The following PPP2R2C variants were observed in gnomAD, a reference collection of about 807,000 sequenced individuals.
PPP2R2C encodes the protein protein phosphatase 2, regulatory subunit B, gamma.
Under a neutral mutation model 45.3 loss-of-function variants are expected in PPP2R2C, and 10 were observed. The observed-to-expected ratio is 0.22, with a 90% CI of 0.14 to 0.37. PPP2R2C has a LOEUF of 0.37. Among genes scored for constraint, PPP2R2C ranks in the 10% least tolerant of loss-of-function variants. PPP2R2C has a pLI of 1.00. For missense variants in PPP2R2C, 308 were observed against 619.7 expected (o/e 0.50, Z 5.34); for synonymous variants, 257 against 245.4 (o/e 1.05, Z -0.44).
In PPP2R2C at chr4:6,543,712, G is replaced by A. The variant is rs527729621; in HGVS notation, c.-58-8335C>T. Among the ~76,000 whole-genome samples, 7 of 152,288 alleles carry A rather than the reference G, an allele frequency of 4.6e-5. No homozygotes were observed. In the South Asian group the frequency reaches 6.2e-4, roughly 14 times the overall value. On this transcript the variant is annotated intron_variant, in intron 1 of 9. Coordinates refer to the PPP2R2C transcript ENST00000506140. ...CCAGCTTGTCACATAAAGCGTGAGCGCGGAGTGCCAGGAAACAGGCTCCCT... is the reference window on the plus strand; with the variant it reads ...CCAGCTTGTCACATAAAGCGTGAGCACGGAGTGCCAGGAAACAGGCTCCCT...
rs116721714 is a variant in PPP2R2C at position 6,541,546 on chromosome 4, G to A, written c.-58-6169C>T. Among the ~76,000 whole-genome samples, 832 of 151,974 alleles carry A rather than the reference G, an allele frequency of 5.5e-3. 6 individuals carry two copies. Among genetic ancestry groups the A allele is most frequent in the African/African-American group, 0.018 (763 of 41,436 alleles). On this transcript the variant is annotated intron_variant, in intron 1 of 9. Transcript: ENST00000506140. ...CTCGCAGGGGATCATGAGTTGTTTC[G>A]TTTGTTTGTTTGTTTGGTGAGACAG...
intron 2 of PPP2R2C, among the ~76,000 whole-genome samples, chr4:6,505,029 G>T (rs1182865560): frequency 6.6e-6 from 1 of 151,954 alleles, no homozygotes; most frequent in African/African-American, 2.4e-5. Flanking sequence ...CAAGTATAAA[G>T]AAAAACTCTG....
At chr4:6,448,983 G>A (rs187863686) in intron 1 of PPP2R2C, among the ~76,000 whole-genome samples, 1 of 152,196 alleles carries the variant, frequency 6.6e-6, no homozygotes, top group Admixed American at 6.5e-5. Context: ...TTGGGACCCA[G>A]GCCAGGTTCA....
intron 1 of PPP2R2C, among the ~76,000 whole-genome samples, chr4:6,424,106 G>A (rs1719140754): frequency 6.6e-6 from 1 of 152,230 alleles, no homozygotes; most frequent in Non-Finnish European, 1.5e-5. Flanking sequence ...TTCCTCACAG[G>A]GAAAGCCGGA....
rs375836977 is a variant in PPP2R2C at position 6,529,376 on chromosome 4, C to T, written c.49+5895G>A. Among the ~76,000 whole-genome samples, 52 of 152,376 alleles carry T rather than the reference C, an allele frequency of 3.4e-4. No individual in the cohort carries two copies. In the East Asian group the frequency reaches 6.0e-3, roughly 17 times the overall value. ...GCACCACCTGAGCCGCCCACCTAAG[C>T]GGCCAGGCTGGGAGCCAGCAGGGGG... On this transcript the variant is annotated intron_variant, in intron 2 of 9. Transcript: ENST00000506140.
chr4:6,471,996 A>AGGGTG lies in PPP2R2C; in HGVS notation c.70+159_70+163dup, dbSNP rs1429683135. ...GCTCCCTCCCTCCTGGGCCCCGGGC[A>AGGGTG]GGGTGGGATGGGATGGGGTGGGGTG... On this transcript the variant is annotated intron_variant, in intron 1 of 8. Transcript: ENST00000382599. This position sits in a 1 kb window ranked among gnomAD's most constrained non-coding sequence, Gnocchi z 5.6. 8.4e-5 allele frequency among the ~76,000 whole-genome samples: 3 copies of AGGGTG among 35,886 alleles called. No individual in the cohort carries two copies. The highest frequency in any genetic ancestry group is 2.1e-3 in the East Asian group (2 of 932). The allele number at this position is 35,886 out of a possible 152,430, so 23.5% of individuals were successfully genotyped here.
In PPP2R2C at chr4:6,326,114, A is replaced by C. The variant is rs76290552; in HGVS notation, c.1053-2521T>G. On this transcript the variant is annotated intron_variant, in intron 8 of 8. Transcript: ENST00000382599. ...TGCTGATTGGTGCAAAAAGTGGGCAAGTGACCCACACAGAGCCAATCAGAT... is the reference window on the plus strand; with the variant it reads ...TGCTGATTGGTGCAAAAAGTGGGCACGTGACCCACACAGAGCCAATCAGAT... Among the ~76,000 whole-genome samples the C allele has an allele frequency of 6.3e-3, 959 of 152,344 alleles. 7 individuals carry two copies. Among genetic ancestry groups the C allele is most frequent in the African/African-American group, 0.021 (893 of 41,588 alleles).
At chr4:6,389,726 A>G (rs1163043479) in intron 1 of PPP2R2C, among the ~76,000 whole-genome samples, 3 of 152,098 alleles carry the variant, frequency 2.0e-5, no homozygotes, top group Non-Finnish European at 4.4e-5. Flanking sequence ...AGCATTTTAC[A>G]CCTATTACTG....
At chr4:6,450,055 T>C (rs978118760) in intron 1 of PPP2R2C, among the ~76,000 whole-genome samples, 1 of 152,224 alleles carries the variant, frequency 6.6e-6, no homozygotes, top group Admixed American at 6.5e-5. Context: ...GGGTTGCAGT[T>C]CCAGCCGCAA....
intron 1 of PPP2R2C, among the ~76,000 whole-genome samples, chr4:6,422,489 C>T (rs751967881): frequency 1.3e-5 from 2 of 152,200 alleles, no homozygotes; most frequent in African/African-American, 4.8e-5. Context: ...CTAGTGCCAC[C>T]ATAACAAAGT....
intron 5 of PPP2R2C, among the ~76,000 whole-genome samples, chr4:6,359,583 T>C (rs1577105506): frequency 1.3e-5 from 2 of 151,678 alleles, no homozygotes; most frequent in South Asian, 4.2e-4. Context: ...TTAAGATTTT[T>C]ATTACTAAAA....
chr4:6,506,519 G>A lies in PPP2R2C; in HGVS notation c.49+28752C>T, dbSNP rs191672530. 5.3e-5 allele frequency among the ~76,000 whole-genome samples: 8 copies of A among 152,304 alleles called. No individual in the cohort carries two copies. The East Asian group carries it at 1.5e-3, about 29-fold the overall frequency. On this transcript the variant is annotated intron_variant, in intron 2 of 9. Coordinates refer to the PPP2R2C transcript ENST00000506140. Reference sequence around the variant, plus strand: ...CTCTGAGGTCACAAGAGGCCTCTCTGAGAAGTGACTTCAAAGAGCAATCAA... The same window carrying A: ...CTCTGAGGTCACAAGAGGCCTCTCTAAGAAGTGACTTCAAAGAGCAATCAA...
At chr4:6,350,971 C>T (rs781247510) in intron 5 of PPP2R2C, 60 of 985,228 alleles carry the variant, frequency 6.1e-5, no homozygotes, top group Non-Finnish European at 7.0e-5. Flanking sequence ...CACCCAAACG[C>T]TCTTTCCTTT....
At chr4:6,521,581 G>A (rs532418389) in intron 2 of PPP2R2C, among the ~76,000 whole-genome samples, 1 of 152,272 alleles carries the variant, frequency 6.6e-6, no homozygotes, top group Admixed American at 6.5e-5. Flanking sequence ...CTTCTTAGGA[G>A]TCGTCTCAGG....
intron 5 of PPP2R2C, among the ~76,000 whole-genome samples, chr4:6,357,587 C>T (rs73076945): frequency 1.3e-5 from 2 of 152,202 alleles, no homozygotes; most frequent in African/African-American, 4.8e-5. Flanking sequence ...GCGATGCAGT[C>T]TTGCTTGGGT....
rs1444765712 is a variant in PPP2R2C at position 6,378,594 on chromosome 4, G to A, written c.169-22C>T. On this transcript the variant is annotated intron_variant, in intron 2 of 8. Coordinates refer to ENST00000382599, the MANE Select transcript of PPP2R2C (RefSeq NM_020416.4). This position sits in a 1 kb window ranked among gnomAD's most constrained non-coding sequence, Gnocchi z 5.2. ...TACTCTGCAGGGAAACCCGGAGAAG[G>A]GGCCTGAGCACCGTGACCTGCAGGG... The A allele has an allele frequency of 6.2e-7, 1 of 1,603,580 alleles. No homozygotes were observed. Among genetic ancestry groups the A allele is most frequent in the Non-Finnish European group, 8.5e-7 (1 of 1,173,286 alleles).
chr4:6,414,070 CTGTGTATGTGTGTGTGTGTGTGTGTG>C (rs1208231711), intron 1 of PPP2R2C: 7 of 1,202,502 alleles, frequency 5.8e-6, no homozygotes, highest in African/African-American at 5.3e-5. Flanking sequence ...TAAGTTTTGC[CTGTGTATGTGTGTGTGTGTGTGTGTG>C]TGTGTGTGTG....
chr4:6,418,163 G>A (rs758499881), intron 1 of PPP2R2C, among the ~76,000 whole-genome samples: 2 of 152,212 alleles, frequency 1.3e-5, no homozygotes, highest in African/African-American at 2.4e-5. Context: ...CAGGAAGGAT[G>A]TGGGCAAGTG....
At chr4:6,461,648 C>A (rs1417150608) in intron 1 of PPP2R2C, among the ~76,000 whole-genome samples, 2 of 151,978 alleles carry the variant, frequency 1.3e-5, no homozygotes, top group South Asian at 2.1e-4. Flanking sequence ...CCACAATGAA[C>A]TGTTACAAAG....
Sources: gnomAD v4.1 joint callset for allele counts (sites outside exome capture counted in the v4.1 genomes callset) on GRCh38, gnomAD v4.1.1 for gene constraint, Gnocchi (gnomAD v3.1) non-coding constraint, MANE v1.5 for transcripts, NCBI Gene and HGNC (gene_info 2026-07-23, HGNC 2026-07-21) for gene names.